The following EIF5 variants were observed in gnomAD, a reference collection of about 807,000 sequenced individuals.
EIF5 encodes the protein eukaryotic translation initiation factor 5.
EIF5 carries 10 observed loss-of-function variants against 48.3 expected under a neutral mutation model. That is an observed-to-expected ratio of 0.21 (90% confidence interval 0.13 to 0.35). EIF5 has a LOEUF of 0.35. Among genes scored for constraint, EIF5 ranks in the 10% least tolerant of loss-of-function variants. The probability of loss-of-function intolerance (pLI) is 1.00; values close to 1 mark genes in which losing one functional copy is unlikely to be tolerated. For missense variants in EIF5, 397 were observed against 533.2 expected, an observed-to-expected ratio of 0.74 and a Z score of 2.51; for synonymous variants, 237 against 173.1, an observed-to-expected ratio of 1.37 and a Z score of -2.90.
rs2089327100 is a variant in EIF5, at chr14:103,339,411, T to C, written c.906+78T>C. On this transcript the variant is annotated intron_variant, in intron 9 of 11. Transcript: ENST00000216554. ...AGATGGTCATATTAACCACTTTTGC[T>C]TGTCCTGTCATGCTTGAAAGTGGGG... The C allele has an allele frequency of 3.3e-6, 5 of 1,521,330 alleles. No homozygotes were observed. In the South Asian group the frequency reaches 6.6e-5, roughly 20 times the overall value. 94.2% of individuals were successfully genotyped at this position (1,521,330 alleles called of 1,614,324 possible).
At chr14:103,339,941 C>T (rs2089333716) in intron 10 of EIF5, 138 bp downstream of exon 10, 1 of 996,706 alleles carries the variant, frequency 1.0e-6, no homozygotes, top group African/African-American at 1.6e-5. Flanking sequence ...TCCCTGAAAC[C>T]TCCACGTCCC....
Position 103,343,049 on chromosome 14 carries a change from CAT to C in EIF5, c.*1999_*2000del, listed in dbSNP as rs1216664392. The C allele has an allele frequency of 6.6e-6, 1 of 152,624 alleles. No homozygotes were observed. The highest frequency in any genetic ancestry group is 1.5e-5 in the Non-Finnish European group (1 of 68,038). 9.5% of individuals were successfully genotyped at this position (152,624 alleles called of 1,614,324 possible). ...AAACTTCGAATGGAATACAAATTCA[CAT>C]AATCTGAACTTTGTTCACAGGTTAT... On this transcript the variant is annotated 3_prime_UTR_variant, in exon 12 of 12. Coordinates refer to ENST00000216554, the MANE Select transcript of EIF5 (RefSeq NM_001969.5).
rs1034094150 is a variant in EIF5, at chr14:103,344,390, A to G, written c.*3338A>G. The G allele has an allele frequency of 3.9e-5, 6 of 152,188 alleles. No homozygotes were observed. The highest frequency in any genetic ancestry group is 4.4e-5 in the Non-Finnish European group (3 of 68,038). The allele number at this position is 152,188 out of a possible 1,614,324, so 9.4% of individuals were successfully genotyped here. A position where few individuals can be genotyped will look rare whatever the true frequency, so the allele number is the denominator to read the frequency against. Reference sequence around the variant, plus strand: ...CTTGGGACCTAGACTGGGAGGTGCAATGTCAGGACCTCCAGGTGAATGGTA... The same window carrying G: ...CTTGGGACCTAGACTGGGAGGTGCAGTGTCAGGACCTCCAGGTGAATGGTA... On this transcript the variant is annotated 3_prime_UTR_variant, in exon 12 of 12. Transcript: ENST00000216554.
At chr14:103,334,744 TC>T (rs1363004288) in intron 2 of EIF5, 147 bp downstream of exon 2, 1 of 145,456 alleles carries the variant, frequency 6.9e-6, no homozygotes, top group Non-Finnish European at 1.5e-5. Context: ...CCCCGCGCGC[TC>T]CCCGGCCCGG....
Position 103,337,160 on chromosome 14 carries a change from C to G in EIF5, c.372C>G (p.Ala124=). Residue 124 remains alanine, a synonymous_variant, in exon 6 of 12, where the codon GCC becomes GCG. Coordinates refer to ENST00000216554, the MANE Select transcript of EIF5 (RefSeq NM_001969.5). ...KKQTIGNSCK[A]CGYRGMLDTH... ...AAACAATAGGTAATTCTTGTAAAGC[C>G]TGTGGCTATCGAGGCATGCTTGACA... 6.2e-7 allele frequency: 1 copy of G among 1,613,232 alleles called. No individual in the cohort carries two copies. Among genetic ancestry groups the G allele is most frequent in the Non-Finnish European group, 8.5e-7 (1 of 1,179,832 alleles).
At position 103,344,701 on chromosome 14, in the gene EIF5, A is replaced by T. The variant is rs557682563; in HGVS notation, c.*3649A>T. On this transcript the variant is annotated 3_prime_UTR_variant, in exon 12 of 12. Transcript: ENST00000216554. ...AAAACCTCTTTAAAAACGGTCAGTTAACTAAAAAATAAAAATCAAGTCTTT... is the reference window on the plus strand; with the variant it reads ...AAAACCTCTTTAAAAACGGTCAGTTTACTAAAAAATAAAAATCAAGTCTTT... The T allele has an allele frequency of 2.6e-5, 4 of 152,342 alleles. No homozygotes were observed. Among genetic ancestry groups the T allele is most frequent in the African/African-American group, 4.8e-5 (2 of 41,584 alleles). 9.4% of individuals were successfully genotyped at this position (152,342 alleles called of 1,614,324 possible).
chr14:103,338,160 A>G, intron 6 of EIF5, 167 bp from the exon 7 acceptor site: 1 of 919,752 alleles, frequency 1.1e-6, no homozygotes, highest in East Asian at 2.4e-5. Flanking sequence ...CGTATGAAAT[A>G]CATGATGAAT....
At position 103,343,084 on chromosome 14, in the gene EIF5, G is replaced by C. The variant is rs2089372594; in HGVS notation, c.*2032G>C. On this transcript the variant is annotated 3_prime_UTR_variant, in exon 12 of 12. Transcript: ENST00000216554. ...ACTTTGTTCACAGGTTATCCTAATA[G>C]AGTAATTCTTCACTTTGCTCTATTG... 1 of 152,628 alleles carries C rather than the reference G, an allele frequency of 6.6e-6. No individual in the cohort carries two copies. Among genetic ancestry groups the C allele is most frequent in the Non-Finnish European group, 1.5e-5 (1 of 68,034 alleles). The allele number at this position is 152,628 out of a possible 1,614,324, so 9.5% of individuals were successfully genotyped here.
intron 9 of EIF5, 33 bp from the exon 10 acceptor site, chr14:103,339,606 A>G: frequency 6.2e-7 from 1 of 1,609,876 alleles, no homozygotes; most frequent in Non-Finnish European, 8.5e-7. Flanking sequence ...AACACATAAA[A>G]AAGATTGTTA....
chr14:103,339,726 A>G lies in EIF5; in HGVS notation c.994A>G (p.Lys332Glu). Residue 332 changes from lysine (K) to glutamate (E), a missense_variant, in exon 10 of 12, where the codon AAG becomes GAG. Lys to Glu is a moderately conservative substitution (Grantham distance 56). This residue lies in a region of EIF5 where 160 missense variants were observed against 184.8 expected (regional missense o/e 0.87). Coordinates refer to ENST00000216554, the MANE Select transcript of EIF5 (RefSeq NM_001969.5). ...VAMHQAQLIS[K>E]IPHILKEMYD... ...AATGCATCAAGCTCAGCTTATCTCC[A>G]AGATTCCACATATCTTGAAGGAGAT... The G allele has an allele frequency of 6.2e-7, 1 of 1,614,244 alleles. No individual in the cohort carries two copies. Among genetic ancestry groups the G allele is most frequent in the Non-Finnish European group, 8.5e-7 (1 of 1,180,044 alleles).
At chr14:103,337,938 C>G in intron 6 of EIF5, 1 of 529,354 alleles carries the variant, frequency 1.9e-6, no homozygotes, top group Non-Finnish European at 3.7e-6. Flanking sequence ...GGTGTTCTCT[C>G]TCCCATGAGA....
Position 103,340,521 on chromosome 14 carries a change from C to T in EIF5, c.1166C>T (p.Ser389Phe), listed in dbSNP as rs2089340697. 1 of 1,612,904 alleles carries T rather than the reference C, an allele frequency of 6.2e-7. No individual in the cohort carries two copies. Among genetic ancestry groups the T allele is most frequent in the Non-Finnish European group, 8.5e-7 (1 of 1,178,954 alleles). Residue 389 changes from serine to phenylalanine, a missense_variant, in exon 11 of 12, where the codon TCT (serine) becomes TTT (phenylalanine). Coordinates refer to ENST00000216554, the MANE Select transcript of EIF5 (RefSeq NM_001969.5). ...IKWLKEAEEE[S>F]SGGEEEDEDE... ...TGGTTGAAGGAGGCAGAGGAAGAAT[C>T]TTCTGGTGGCGAAGAAGAAGATGAA...
chr14:103,337,814 T>G, intron 6 of EIF5: 1 of 494,304 alleles, frequency 2.0e-6, no homozygotes, highest in Non-Finnish European at 4.0e-6. Context: ...CATTGTTTGG[T>G]AAAGAGGGCC....
In EIF5 at chr14:103,340,524, C is replaced by G; in HGVS notation, c.1169C>G (p.Ser390Cys). Residue 390 changes from serine to cysteine, a missense_variant, in exon 11 of 12, where the codon TCT becomes TGT. Ser to Cys is a moderately radical substitution (Grantham distance 112). Transcript: ENST00000216554. Reference sequence around the variant, plus strand: ...TTGAAGGAGGCAGAGGAAGAATCTTCTGGTGGCGAAGAAGAAGATGAAGAT... The same window carrying G: ...TTGAAGGAGGCAGAGGAAGAATCTTGTGGTGGCGAAGAAGAAGATGAAGAT... ...KWLKEAEEES[S>C]GGEEEDEDEN... 1 of 1,612,760 alleles carries G rather than the reference C, an allele frequency of 6.2e-7. No individual in the cohort carries two copies. The highest frequency in any genetic ancestry group is 8.5e-7 in the Non-Finnish European group (1 of 1,178,858).
At chr14:103,340,244 A>G (rs1474255500) in intron 10 of EIF5, among the ~76,000 whole-genome samples, 183 bp from the exon 11 acceptor site, 1 of 152,240 alleles carries the variant, frequency 6.6e-6, no homozygotes, top group Non-Finnish European at 1.5e-5. Flanking sequence ...TGTGATTCGC[A>G]TCATGTCAGA....
intron 10 of EIF5, 42 bp downstream of exon 10, chr14:103,339,845 G>T (rs764934562): frequency 3.8e-6 from 6 of 1,582,368 alleles, no homozygotes; most frequent in Non-Finnish European, 5.1e-6. Flanking sequence ...CACAGGTTTT[G>T]GGGGGTTTTT....
In EIF5 at chr14:103,344,817, A is replaced by G. The variant is rs1411435078; in HGVS notation, c.*3765A>G. 1 of 152,240 alleles carries G rather than the reference A, an allele frequency of 6.6e-6. No homozygotes were observed. The highest frequency in any genetic ancestry group is 1.5e-5 in the Non-Finnish European group (1 of 68,046). The allele number at this position is 152,240 out of a possible 1,614,324, so 9.4% of individuals were successfully genotyped here. ...TTTTTAAAAATCCAAATGAAAGTAA[A>G]TGGAATAAATGTATCAGGTAAAGGA... On this transcript the variant is annotated 3_prime_UTR_variant, in exon 12 of 12. Transcript: ENST00000216554.
intron 4 of EIF5, 178 bp downstream of exon 4, chr14:103,336,295 T>G (rs368241449): frequency 2.8e-6 from 2 of 711,926 alleles, no homozygotes; most frequent in Non-Finnish European, 4.6e-6. Flanking sequence ...ATTTAAAGAG[T>G]GGATGGCTGG....
In EIF5 at chr14:103,338,428, C is replaced by T; in HGVS notation, c.541C>T (p.Pro181Ser). 1 of 1,591,094 alleles carries T rather than the reference C, an allele frequency of 6.3e-7. No individual in the cohort carries two copies. Among genetic ancestry groups the T allele is most frequent in the Non-Finnish European group, 8.6e-7 (1 of 1,167,884 alleles). Residue 181 changes from proline (P) to serine (S), a missense_variant, in exon 7 of 12, where the codon CCA (proline) becomes TCA (serine). Physicochemically the swap from Pro to Ser is moderately conservative, Grantham distance 74. This residue lies in a region of EIF5 where 126 missense variants were observed against 141.9 expected (regional missense o/e 0.89). Transcript: ENST00000216554. ...GSVSSSETPP[P>S]PPPPNEINPP... Reference sequence around the variant, plus strand: ...CGTATCCAGCAGTGAGACACCACCACCACCACCACCACCAAATGAAATTAA... The same window carrying T: ...CGTATCCAGCAGTGAGACACCACCATCACCACCACCACCAAATGAAATTAA...
Sources: allele counts gnomAD v4.1 joint callset (sites outside exome capture counted in the v4.1 genomes callset), GRCh38; gene constraint gnomAD v4.1.1; regional missense constraint gnomAD v4.1.1; transcripts MANE v1.5; gene names NCBI Gene and HGNC (gene_info 2026-07-23, HGNC 2026-07-21).